GRK6: variants seen among roughly 807,000 people sequenced by gnomAD.
GRK6 encodes the protein G protein-coupled receptor kinase 6.
In GRK6, 37 loss-of-function variants were observed where a neutral mutation model predicts 80.8. That is an observed-to-expected ratio of 0.46 (90% CI 0.35 to 0.60). GRK6 has a LOEUF of 0.60. Ranked by LOEUF, GRK6 falls within the 20% of genes least tolerant of loss-of-function variation. GRK6 has a pLI of 0.00. For synonymous variants in GRK6, 295 were observed against 320.9 expected (o/e 0.92, Z 0.86); for missense variants, 560 against 784.6 (o/e 0.71, Z 3.42).
chr5:177,431,821 C>T (rs1763902891), intron 2 of GRK6, 174 bp from the exon 3 acceptor site: 7 of 638,762 alleles, frequency 1.1e-5, no homozygotes, highest in African/African-American at 1.8e-5. Context: ...GCCTCACAGC[C>T]CCAAAACAGC....
chr5:177,425,932 C>T (rs567767034), upstream of GRK6, among the ~76,000 whole-genome samples: 4 of 152,356 alleles, frequency 2.6e-5, no homozygotes, highest in East Asian at 5.8e-4. Flanking sequence ...GTGAACTCAT[C>T]CCGAGGTCTA....
In GRK6 at chr5:177,433,919, C is replaced by T. The variant is rs202232722; in HGVS notation, c.744C>T (p.Ser248=). 3.9e-4 allele frequency: 610 copies of T among 1,571,016 alleles called. No homozygotes were observed. Among genetic ancestry groups the T allele is most frequent in the Non-Finnish European group, 5.0e-4 (579 of 1,155,592 alleles). ...LEKVNSRFVV[S]LAYAYETKDA... is the part of the protein sequence containing the mutation. ...TCGGGTCCCCTCGGCCACAGGTGAG[C>T]TTGGCCTACGCCTATGAGACCAAGG... The change falls in exon 9 of 16, where the codon AGC becomes AGT. Residue 248 remains serine, a synonymous_variant. Transcript: ENST00000355472.
At chr5:177,439,671 A>G (rs1581690290) in intron 13 of GRK6, among the ~76,000 whole-genome samples, 1 of 149,104 alleles carries the variant, frequency 6.7e-6, no homozygotes, top group Non-Finnish European at 1.5e-5. Flanking sequence ...CTTAGCAGCC[A>G]TTCCCCATGC....
rs920821868 is a variant in GRK6, at chr5:177,428,770, T to C, written c.52+1873T>C. On this transcript the variant is annotated intron_variant, in intron 1 of 15. Coordinates refer to ENST00000355472, the MANE Select transcript of GRK6 (RefSeq NM_001004106.3). The surrounding 1 kb of genome is among the most constrained non-coding windows in gnomAD (Gnocchi z 4.1). ...TCTTTCTCAACTTCAGTACCCCTTT[T>C]TGTGGAACGGTTGGGGGTGGGACAT... Among the ~76,000 whole-genome samples the C allele has an allele frequency of 6.6e-6, 1 of 152,168 alleles. No individual in the cohort carries two copies. The highest frequency in any genetic ancestry group is 6.5e-5 in the Admixed American group (1 of 15,274).
In GRK6 at chr5:177,432,044, G is replaced by C; in HGVS notation, c.198G>C (p.Leu66=). 6.2e-7 allele frequency: 1 copy of C among 1,613,292 alleles called. No homozygotes were observed. The highest frequency in any genetic ancestry group is 8.5e-7 in the Non-Finnish European group (1 of 1,179,816). Residue 66 remains leucine, a synonymous_variant, in exon 3 of 16, where the codon CTG becomes CTC. Coordinates refer to ENST00000355472, the MANE Select transcript of GRK6 (RefSeq NM_001004106.3). The stretch of plus-strand genomic sequence containing the variant: ...AGCGGCAGCCCATTGGGCGCCTGCT[G>C]TTCCGAGAGTTCTGTGCCACGAGGC... ...LCERQPIGRL[L]FREFCATRPE...
intron 13 of GRK6, among the ~76,000 whole-genome samples, chr5:177,437,686 C>T (rs1764227020): frequency 6.6e-6 from 1 of 152,180 alleles, no homozygotes; most frequent in Non-Finnish European, 1.5e-5. Flanking sequence ...CACGATTCTC[C>T]AGCTCTTGCC....
intron 2 of GRK6, chr5:177,431,623 A>C (rs908538176): frequency 1.1e-5 from 3 of 267,330 alleles, no homozygotes; most frequent in African/African-American, 6.9e-5. Context: ...TTCGCCAGGC[A>C]GGCAGCAGGT....
chr5:177,440,347 G>A (rs772292343), intron 13 of GRK6, among the ~76,000 whole-genome samples: 7 of 152,204 alleles, frequency 4.6e-5, no homozygotes, highest in Admixed American at 6.5e-5. Context: ...CAGGCTCTGC[G>A]TGGTGGTGCC....
rs1221647357 is a variant in GRK6 at position 177,440,778 on chromosome 5, G to C, written c.1483G>C (p.Asp495His). The C allele has an allele frequency of 2.5e-6, 4 of 1,614,026 alleles. No individual in the cohort carries two copies. The highest frequency in any genetic ancestry group is 1.7e-6 in the Non-Finnish European group (2 of 1,180,032). Reference sequence around the variant, plus strand: ...CAAGGGCGTGGAGCTGGAGCCTACCGACCAGGACTTCTACCAGAAGTTTGC... The same window carrying C: ...CAAGGGCGTGGAGCTGGAGCCTACCCACCAGGACTTCTACCAGAAGTTTGC... ...TVKGVELEPT[D>H]QDFYQKFATG... The change falls in exon 14 of 16, where the codon GAC (aspartate) becomes CAC (histidine). Residue 495 changes from aspartate (D) to histidine (H), a missense_variant. Asp to His is a moderately conservative substitution (Grantham distance 81). Around this residue, in one of 3 missense-constraint regions of GRK6, gnomAD observed 294 missense variants for 397.4 expected, o/e 0.74. Coordinates refer to ENST00000355472, the MANE Select transcript of GRK6 (RefSeq NM_001004106.3).
In GRK6 at chr5:177,436,080, G is replaced by A. The variant is rs762257227; in HGVS notation, c.1065G>A (p.Glu355=). The A allele has an allele frequency of 3.1e-6, 5 of 1,612,384 alleles. No homozygotes were observed. The highest frequency in any genetic ancestry group is 3.4e-6 in the Non-Finnish European group (4 of 1,178,724). ...RVGTVGYMAP[E]VVKNERYTFS... ...CCCATGCCGCCCGCCCAGCTCCGGA[G>A]GTGGTGAAGAATGAACGGTACACGT... Residue 355 remains glutamate, a synonymous_variant, in exon 12 of 16, where the codon GAG becomes GAA. Coordinates refer to ENST00000355472, the MANE Select transcript of GRK6 (RefSeq NM_001004106.3).
chr5:177,433,553 G>A lies in GRK6; in HGVS notation c.615G>A (p.Val205=). ...GGFGEVCACQ[V]RATGKMYACK... is the part of the protein sequence containing the mutation. Reference sequence around the variant, plus strand: ...GGCCACAGGTGTGCGCCTGCCAGGTGCGGGCCACAGGTAAGATGTATGCCT... The same window carrying A: ...GGCCACAGGTGTGCGCCTGCCAGGTACGGGCCACAGGTAAGATGTATGCCT... Residue 205 remains valine, a synonymous_variant, in exon 8 of 16, where the codon GTG becomes GTA. Coordinates refer to ENST00000355472, the MANE Select transcript of GRK6 (RefSeq NM_001004106.3). 5.6e-6 allele frequency: 9 copies of A among 1,614,088 alleles called. No homozygotes were observed. The highest frequency in any genetic ancestry group is 7.6e-6 in the Non-Finnish European group (9 of 1,180,026).
chr5:177,430,353 C>T (rs1763834271), intron 1 of GRK6, among the ~76,000 whole-genome samples: 1 of 152,280 alleles, frequency 6.6e-6, no homozygotes, highest in East Asian at 1.9e-4. Flanking sequence ...GTGCAGGGGA[C>T]GGGGAGTCCT....
intron 13 of GRK6, 21 bp downstream of exon 13, chr5:177,436,551 C>A: frequency 1.3e-6 from 2 of 1,555,198 alleles, no homozygotes; most frequent in Non-Finnish European, 1.7e-6. Context: ...CCCACTCCTG[C>A]TGAGGGCGGG....
intron 13 of GRK6, among the ~76,000 whole-genome samples, chr5:177,439,658 AC>A (rs1445585352): frequency 6.7e-6 from 1 of 150,006 alleles, no homozygotes; most frequent in African/African-American, 2.4e-5. Context: ...AAAAACCCAT[AC>A]CCTTAGCAGC....
Position 177,436,083 on chromosome 5 carries a change from G to A in GRK6, c.1068G>A (p.Val356=). 3 of 1,612,660 alleles carry A rather than the reference G, an allele frequency of 1.9e-6. No homozygotes were observed. The highest frequency in any genetic ancestry group is 1.7e-6 in the Non-Finnish European group (2 of 1,178,844). Reference sequence around the variant, plus strand: ...ATGCCGCCCGCCCAGCTCCGGAGGTGGTGAAGAATGAACGGTACACGTTCA... The same window carrying A: ...ATGCCGCCCGCCCAGCTCCGGAGGTAGTGAAGAATGAACGGTACACGTTCA... ...VGTVGYMAPE[V]VKNERYTFSP... The change falls in exon 12 of 16, where the codon GTG becomes GTA. Residue 356 remains valine, a synonymous_variant. Coordinates refer to ENST00000355472, the MANE Select transcript of GRK6 (RefSeq NM_001004106.3).
rs1463914527 is a variant in GRK6 at position 177,428,058 on chromosome 5, G to A, written c.52+1161G>A. On this transcript the variant is annotated intron_variant, in intron 1 of 15. Transcript: ENST00000355472. This position sits in a 1 kb window ranked among gnomAD's most constrained non-coding sequence, Gnocchi z 4.1. ...CCCCGTGCCCACCAAGTGCTCTGGC[G>A]AGGTGCAGCCCAGAAATGGCATGGC... Among the ~76,000 whole-genome samples the A allele has an allele frequency of 6.6e-6, 1 of 152,248 alleles. No homozygotes were observed. The highest frequency in any genetic ancestry group is 2.4e-5 in the African/African-American group (1 of 41,464).
In GRK6 at chr5:177,429,781, T is replaced by C. The variant is rs952131229; in HGVS notation, c.53-1091T>C. On this transcript the variant is annotated intron_variant, in intron 1 of 15. Coordinates refer to ENST00000355472, the MANE Select transcript of GRK6 (RefSeq NM_001004106.3). The surrounding 1 kb of genome is among the most constrained non-coding windows in gnomAD (Gnocchi z 4.3). ...TTGTCTAAGGTTGCCATGGCGTTGT[T>C]GGAGTTGGGGTTCACCTCTTGACTC... Among the ~76,000 whole-genome samples the C allele has an allele frequency of 3.3e-5, 5 of 152,194 alleles. No individual in the cohort carries two copies. Among genetic ancestry groups the C allele is most frequent in the Admixed American group, 2.0e-4 (3 of 15,280 alleles).
Position 177,433,638 on chromosome 5 carries a change from G to C in GRK6, c.700G>C (p.Glu234Gln). Residue 234 changes from glutamate to glutamine, a missense_variant, in exon 8 of 16, where the codon GAG (glutamate) becomes CAG (glutamine). By Grantham distance (29) the Glu-to-Gln change is conservative. Coordinates refer to ENST00000355472, the MANE Select transcript of GRK6 (RefSeq NM_001004106.3). Reference protein sequence around the residue: ...KRKGEAMALNEKQILEKVNSR... With the variant: ...KRKGEAMALNQKQILEKVNSR... ...GAAAGGGGAGGCCATGGCGCTGAAC[G>C]AGAAGCAGATCCTGGAGAAAGTGAA... 6.2e-7 allele frequency: 1 copy of C among 1,614,166 alleles called. No individual in the cohort carries two copies. The highest frequency in any genetic ancestry group is 8.5e-7 in the Non-Finnish European group (1 of 1,180,034).
chr5:177,439,265 G>A (rs748029871), intron 13 of GRK6, among the ~76,000 whole-genome samples: 22 of 152,254 alleles, frequency 1.4e-4, no homozygotes, highest in Admixed American at 2.0e-4. Context: ...TCGGCTGGGC[G>A]TGGTGGCTCA....
Sources: allele counts gnomAD v4.1 joint callset (sites outside exome capture counted in the v4.1 genomes callset), GRCh38; gene constraint gnomAD v4.1.1; regional missense constraint gnomAD v4.1.1; non-coding constraint Gnocchi (gnomAD v3.1); transcripts MANE v1.5; gene names NCBI Gene and HGNC (gene_info 2026-07-23, HGNC 2026-07-21).